Variants in CA10 observed in about 807,000 individuals in gnomAD.
CA10 encodes the protein carbonic anhydrase-related protein 10.
Under a neutral mutation model 44.2 loss-of-function variants are expected in CA10, and 14 were observed. That is an observed-to-expected ratio of 0.32 (90% CI 0.21 to 0.50). The LOEUF is 0.50. Among genes scored for constraint, CA10 ranks in the 20% least tolerant of loss-of-function variants. CA10 has a pLI of 0.99. For missense variants in CA10, 350 were observed against 409.7 expected (o/e 0.85, Z 1.26); for synonymous variants, 159 against 141.6 (o/e 1.12, Z -0.87).
chr17:51,663,258 C>CAG (rs1914076928), intron 4 of CA10, among the ~76,000 whole-genome samples: 1 of 48 alleles, frequency 0.021, no homozygotes, highest in Non-Finnish European at 0.056. Flanking sequence ...ATTCCTTCCC[C>CAG]AGGCCTTCGC....
intron 3 of CA10, among the ~76,000 whole-genome samples, chr17:51,818,279 T>G (rs142071431): frequency 1.3e-5 from 2 of 152,082 alleles, no homozygotes; most frequent in Non-Finnish European, 2.9e-5. Flanking sequence ...AAATCTTTCT[T>G]TTTTAAGTCT....
At chr17:52,031,858 A>G (rs1403989166) in intron 2 of CA10, among the ~76,000 whole-genome samples, 1 of 152,204 alleles carries the variant, frequency 6.6e-6, no homozygotes, top group Non-Finnish European at 1.5e-5. Context: ...TTAGAAATTG[A>G]GAATGTCTGG....
intron 2 of CA10, among the ~76,000 whole-genome samples, chr17:52,049,383 A>G (rs1986996768): frequency 6.6e-6 from 1 of 152,140 alleles, no homozygotes; most frequent in Admixed American, 6.6e-5. Context: ...AACAATCATA[A>G]TAATTCCTTT....
intron 8 of CA10, 130 bp from the exon 9 acceptor site, chr17:51,631,736 T>G: frequency 1.3e-6 from 1 of 759,894 alleles, no homozygotes; most frequent in East Asian, 2.5e-5. Context: ...GCCTGCTTAC[T>G]TATATGCATT....
intron 3 of CA10, among the ~76,000 whole-genome samples, chr17:51,838,925 G>A (rs942507782): frequency 5.9e-5 from 9 of 152,052 alleles, no homozygotes; most frequent in Admixed American, 2.0e-4. Flanking sequence ...AAGCTATTTT[G>A]TTTTCATTTT....
At chr17:52,108,699 CAAAAAAAAAAAA>C (rs759411898) in intron 1 of CA10, among the ~76,000 whole-genome samples, 11 of 91,836 alleles carry the variant, frequency 1.2e-4, no homozygotes, top group African/African-American at 1.5e-4. Flanking sequence ...GACTCCGTCT[CAAAAAAAAAAAA>C]AAAAAAAAAA....
At chr17:51,667,231 GC>G (rs1914241480) in intron 4 of CA10, among the ~76,000 whole-genome samples, 1 of 152,184 alleles carries the variant, frequency 6.6e-6, no homozygotes, top group Non-Finnish European at 1.5e-5. Flanking sequence ...GGGCTTTTGG[GC>G]CAAGTTAAAT....
intron 3 of CA10, among the ~76,000 whole-genome samples, chr17:51,789,996 C>A (rs1906450490): frequency 2.0e-5 from 3 of 152,170 alleles, no homozygotes. Flanking sequence ...ACAGGTTGTG[C>A]CAGCAGCAGC....
At chr17:52,008,764 G>T (rs1220934382) in intron 2 of CA10, among the ~76,000 whole-genome samples, 1 of 151,740 alleles carries the variant, frequency 6.6e-6, no homozygotes, top group Non-Finnish European at 1.5e-5. Flanking sequence ...TGAATGTATT[G>T]GGCTTCCTAT....
intron 6 of CA10, among the ~76,000 whole-genome samples, chr17:51,641,832 A>G (rs774631043): frequency 6.6e-6 from 1 of 151,962 alleles, no homozygotes; most frequent in Non-Finnish European, 1.5e-5. Flanking sequence ...TGTTAAATGC[A>G]TTGTGCTTAC....
chr17:51,948,980 G>A (rs1983384923), intron 2 of CA10, among the ~76,000 whole-genome samples: 1 of 151,990 alleles, frequency 6.6e-6, no homozygotes, highest in Non-Finnish European at 1.5e-5. Flanking sequence ...TAACAGCAGT[G>A]ATTTTTTATT....
chr17:51,829,434 G>A (rs1908147142), intron 3 of CA10, among the ~76,000 whole-genome samples: 2 of 152,208 alleles, frequency 1.3e-5, no homozygotes, highest in African/African-American at 4.8e-5. Context: ...GATTACCCCT[G>A]TGACATCTTG....
chr17:51,717,845 A>ATACGTG (rs1345719202), intron 4 of CA10, among the ~76,000 whole-genome samples: 2 of 53,342 alleles, frequency 3.7e-5, no homozygotes, highest in Admixed American at 4.4e-4. Flanking sequence ...ATATATATAT[A>ATACGTG]TATATATATA....
At chr17:51,682,474 G>A (rs1914879086) in intron 4 of CA10, among the ~76,000 whole-genome samples, 2 of 152,200 alleles carry the variant, frequency 1.3e-5, no homozygotes, top group Admixed American at 1.3e-4. Context: ...CAGAAGGTGG[G>A]TTTTATAAAT....
chr17:52,004,956 T>C lies in CA10; in HGVS notation c.136+67363A>G, dbSNP rs537902129. Reference sequence around the variant, plus strand: ...GCTAGGTCAAGAACAAGACTCTTTTTCCCCCTCAAGTCATAAACTTGTCTA... The same window carrying C: ...GCTAGGTCAAGAACAAGACTCTTTTCCCCCCTCAAGTCATAAACTTGTCTA... On this transcript the variant is annotated intron_variant, in intron 2 of 8. Coordinates refer to ENST00000451037, the MANE Select transcript of CA10 (RefSeq NM_020178.5). 1.2e-3 allele frequency among the ~76,000 whole-genome samples: 185 copies of C among 151,922 alleles called. 5 individuals are homozygous for C. In the South Asian group the frequency reaches 0.022, roughly 18 times the overall value.
At chr17:51,949,805 C>T (rs1252466695) in intron 2 of CA10, among the ~76,000 whole-genome samples, 1 of 152,064 alleles carries the variant, frequency 6.6e-6, no homozygotes, top group African/African-American at 2.4e-5. Flanking sequence ...GGACATTGGA[C>T]TATAGAGCTT....
chr17:51,985,322 A>G (rs1412771780), intron 2 of CA10, among the ~76,000 whole-genome samples: 4 of 152,064 alleles, frequency 2.6e-5, no homozygotes, highest in African/African-American at 7.2e-5. Flanking sequence ...GCACTCCATT[A>G]TGATTAAAAC....
At chr17:51,943,202 A>C (rs1983148809) in intron 2 of CA10, among the ~76,000 whole-genome samples, 1 of 152,162 alleles carries the variant, frequency 6.6e-6, no homozygotes, top group Non-Finnish European at 1.5e-5. Context: ...TAATCCCTCC[A>C]TTAAGTCATC....
intron 4 of CA10, among the ~76,000 whole-genome samples, chr17:51,736,873 T>C (rs1916931266): frequency 6.6e-6 from 1 of 152,078 alleles, no homozygotes; most frequent in South Asian, 2.1e-4. Flanking sequence ...GGAATGAAGG[T>C]CCTCCGCAGG....
Sources: allele counts gnomAD v4.1 joint callset (sites outside exome capture counted in the v4.1 genomes callset), GRCh38; gene constraint gnomAD v4.1.1; transcripts MANE v1.5; gene names NCBI Gene and HGNC (gene_info 2026-07-23, HGNC 2026-07-21).